The following ZNRF2 variants were observed in gnomAD, a reference collection of about 807,000 sequenced individuals.
ZNRF2 encodes E3 ubiquitin-protein ligase ZNRF2.
Under a neutral mutation model 20.4 loss-of-function variants are expected in ZNRF2, and 16 were observed. The ratio of observed to expected loss-of-function variants is 0.79; its 90% CI spans 0.53 to 1.19. The LOEUF (loss-of-function observed/expected upper bound fraction) is 1.19, where lower values mean the gene tolerates loss of function less well. Among genes scored for constraint, ZNRF2 ranks in the 50% most tolerant of loss-of-function variants. ZNRF2 has a pLI of 0.00. For synonymous variants in ZNRF2, 178 were observed against 144.9 expected (o/e 1.23, Z -1.64); for missense variants, 363 against 332.4 (o/e 1.09, Z -0.72).
intron 2 of ZNRF2, among the ~76,000 whole-genome samples, chr7:30,335,010 T>C (rs1799695191): frequency 6.8e-6 from 1 of 148,024 alleles, no homozygotes; most frequent in South Asian, 2.1e-4. Context: ...TATGGGTTAT[T>C]TTAAAAGAAA....
intron 1 of ZNRF2, among the ~76,000 whole-genome samples, chr7:30,309,972 G>A (rs961488789): frequency 6.6e-6 from 1 of 152,320 alleles, no homozygotes; most frequent in South Asian, 2.1e-4. Context: ...GGAGTGATCA[G>A]GTCTGGTTGG....
Position 30,285,549 on chromosome 7 carries a change from C to CGCCGCGGCG in ZNRF2, c.205_213dup (p.Ala69_Ala71dup), listed in dbSNP as rs1304693741. 6.0e-5 allele frequency: 59 copies of CGCCGCGGCG among 976,908 alleles called. No homozygotes were observed. Among genetic ancestry groups the CGCCGCGGCG allele is most frequent in the Admixed American group, 1.9e-4 (3 of 15,564 alleles). The allele number at this position is 976,908 out of a possible 1,614,324, so 60.5% of individuals were successfully genotyped here. On this transcript the variant is annotated inframe_insertion, in exon 1 of 5. Transcript: ENST00000323037. ...CGCACCAGCCCAGCGCCTCCGGCGG[C>CGCCGCGGCG]GCCGCGGCGGCCGCGGCGGCCCCGG...
intron 2 of ZNRF2, among the ~76,000 whole-genome samples, chr7:30,352,865 AT>A (rs147398153): frequency 0.013 from 2,045 of 152,144 alleles, 48 homozygotes; most frequent in African/African-American, 0.046. Flanking sequence ...GTTTAGTGGT[AT>A]TTCCAGGTCC....
At chr7:30,359,148 T>C (rs1244932341) in intron 3 of ZNRF2, among the ~76,000 whole-genome samples, 1 of 152,174 alleles carries the variant, frequency 6.6e-6, no homozygotes, top group Non-Finnish European at 1.5e-5. Flanking sequence ...GTTGACTAAA[T>C]ACCTGCCTCT....
At chr7:30,345,319 G>A (rs1204843804) in intron 2 of ZNRF2, among the ~76,000 whole-genome samples, 1 of 151,356 alleles carries the variant, frequency 6.6e-6, no homozygotes, top group South Asian at 2.1e-4. Flanking sequence ...CTTCATTTTT[G>A]TAATAGCTTT....
intron 2 of ZNRF2, among the ~76,000 whole-genome samples, chr7:30,333,906 A>G (rs1416555495): frequency 6.6e-6 from 1 of 152,288 alleles, no homozygotes; most frequent in Admixed American, 6.5e-5. Flanking sequence ...TCCTTTGTCG[A>G]TGCACAGCTT....
In ZNRF2 at chr7:30,366,394, T is replaced by C. The variant is rs898614519; in HGVS notation, c.*382T>C. 2 of 152,652 alleles carry C rather than the reference T, an allele frequency of 1.3e-5. No individual in the cohort carries two copies. Among genetic ancestry groups the C allele is most frequent in the African/African-American group, 4.8e-5 (2 of 41,472 alleles). The allele number at this position is 152,652 out of a possible 1,614,324, so 9.5% of individuals were successfully genotyped here. ...TTCTCCAGAGCTGCACAACTAGTTA[T>C]GTTTTGATTTGTTTTGTTTTTTAAT... On this transcript the variant is annotated 3_prime_UTR_variant, in exon 5 of 5. Coordinates refer to ENST00000323037, the MANE Select transcript of ZNRF2 (RefSeq NM_147128.4).
intron 2 of ZNRF2, among the ~76,000 whole-genome samples, chr7:30,334,488 A>G (rs986110597): frequency 6.6e-6 from 1 of 152,154 alleles, no homozygotes; most frequent in African/African-American, 2.4e-5. Context: ...TTGGTTCCAT[A>G]TGAATTTGAG....
chr7:30,323,533 G>A, intron 1 of ZNRF2, 109 bp from the exon 2 acceptor site: 1 of 654,912 alleles, frequency 1.5e-6, no homozygotes, highest in Non-Finnish European at 2.5e-6. Context: ...GTGTAATGCA[G>A]TAAGTGTAAT....
In ZNRF2 at chr7:30,307,326, G is replaced by GTT. The variant is rs78007797; in HGVS notation, c.470-16293_470-16292dup. Among the ~76,000 whole-genome samples the GTT allele has an allele frequency of 5.9e-3, 256 of 43,238 alleles. 2 individuals carry two copies. Among genetic ancestry groups the GTT allele is most frequent in the Middle Eastern group, 0.025 (1 of 40 alleles). 28.4% of individuals were successfully genotyped at this position (43,238 alleles called of 152,430 possible). On this transcript the variant is annotated intron_variant, in intron 1 of 4. Coordinates refer to ENST00000323037, the MANE Select transcript of ZNRF2 (RefSeq NM_147128.4). Reference sequence around the variant, plus strand: ...TGTCTTCTTTCTGCTGTTTTTTTTTGTTTTTTTTTTTTTTTTTTTTTTTTG... The same window carrying GTT: ...TGTCTTCTTTCTGCTGTTTTTTTTTGTTTTTTTTTTTTTTTTTTTTTTTTTTG...
At chr7:30,346,585 T>G (rs1211556259) in intron 2 of ZNRF2, among the ~76,000 whole-genome samples, 1 of 152,066 alleles carries the variant, frequency 6.6e-6, no homozygotes, top group Non-Finnish European at 1.5e-5. Flanking sequence ...TCTTTCCATT[T>G]GGAAGCTTAC....
chr7:30,326,799 A>AT (rs533508748), intron 2 of ZNRF2, among the ~76,000 whole-genome samples: 117 of 150,614 alleles, frequency 7.8e-4, no homozygotes, highest in South Asian at 1.0e-3. Flanking sequence ...TCCAACATGT[A>AT]TTTTTTTTTG....
chr7:30,354,564 A>G (rs1032076510), intron 2 of ZNRF2, among the ~76,000 whole-genome samples: 3 of 152,154 alleles, frequency 2.0e-5, no homozygotes, highest in African/African-American at 4.8e-5. Context: ...TACACAATCA[A>G]ATTTGTTGGT....
At chr7:30,324,400 T>C (rs1799520215) in intron 2 of ZNRF2, among the ~76,000 whole-genome samples, 1 of 148,636 alleles carries the variant, frequency 6.7e-6, no homozygotes, top group African/African-American at 2.5e-5. Context: ...AAAAAAAAAA[T>C]TAGCTGGGTG....
intron 1 of ZNRF2, among the ~76,000 whole-genome samples, chr7:30,311,378 T>C (rs1799290148): frequency 6.6e-6 from 1 of 152,216 alleles, no homozygotes; most frequent in Non-Finnish European, 1.5e-5. Flanking sequence ...TATTTGATTC[T>C]TCCATATGTG....
chr7:30,346,622 G>A (rs1448177239), intron 2 of ZNRF2, among the ~76,000 whole-genome samples: 1 of 151,862 alleles, frequency 6.6e-6, no homozygotes, highest in Non-Finnish European at 1.5e-5. Flanking sequence ...TTGAAAGCCA[G>A]AATTTTTTTG....
chr7:30,362,774 G>A (rs1252427313), intron 4 of ZNRF2, among the ~76,000 whole-genome samples: 3 of 152,020 alleles, frequency 2.0e-5, no homozygotes, highest in African/African-American at 7.3e-5. Context: ...AATTAGCCAG[G>A]CTTGGTGGTG....
intron 1 of ZNRF2, among the ~76,000 whole-genome samples, chr7:30,303,493 A>T (rs1182547671): frequency 2.0e-5 from 3 of 152,162 alleles, no homozygotes; most frequent in Non-Finnish European, 4.4e-5. Context: ...TTGCATTTCT[A>T]ACAAGTTTCC....
intron 1 of ZNRF2, among the ~76,000 whole-genome samples, chr7:30,304,751 G>A (rs1044646218): frequency 6.6e-6 from 1 of 152,104 alleles, no homozygotes; most frequent in Non-Finnish European, 1.5e-5. Flanking sequence ...CATTGAGAGA[G>A]CTGATTGATG....
Sources: allele counts gnomAD v4.1 joint callset (sites outside exome capture counted in the v4.1 genomes callset), GRCh38; gene constraint gnomAD v4.1.1; transcripts MANE v1.5; gene names NCBI Gene and HGNC (gene_info 2026-07-23, HGNC 2026-07-21).